The following SMG7 variants were observed in gnomAD, a reference collection of about 807,000 sequenced individuals.
The protein encoded by SMG7 is nonsense-mediated mRNA decay factor SMG7.
In SMG7, 34 loss-of-function variants were observed where a neutral mutation model predicts 148.2. The observed-to-expected ratio is 0.23, with a 90% CI of 0.17 to 0.31. The LOEUF (loss-of-function observed/expected upper bound fraction) is 0.31. Ranked by LOEUF, SMG7 falls within the 10% of genes least tolerant of loss-of-function variation. The probability of loss-of-function intolerance (pLI) is 1.00; values close to 1 mark genes in which losing one functional copy is unlikely to be tolerated. For synonymous variants in SMG7, 492 were observed against 515.1 expected, an observed-to-expected ratio of 0.96 and a Z score of 0.61; for missense variants, 1,114 against 1,408.4, an observed-to-expected ratio of 0.79 and a Z score of 3.35.
intron 14 of SMG7, among the ~76,000 whole-genome samples, chr1:183,542,954 TGTGTGTGTGTGTGTG>T (rs1669188851): frequency 6.6e-6 from 1 of 151,238 alleles, no homozygotes; most frequent in Non-Finnish European, 1.5e-5. Context: ...TGTGTGTGTG[TGTGTGTGTGTGTGTG>T]TATTTTTTTT....
chr1:183,493,323 A>G (rs1021087872), intron 1 of SMG7, among the ~76,000 whole-genome samples: 4 of 152,204 alleles, frequency 2.6e-5, no homozygotes, highest in Non-Finnish European at 4.4e-5. Context: ...TATTTGAGGA[A>G]TTAGAGAACT....
Position 183,544,396 on chromosome 1 carries a change from C to T in SMG7, c.1886C>T (p.Ala629Val). ...CTAAGAAAGACTCCAGTGTCTGAAG[C>T]CAGAAAAACACCTGTAACTCAAACC... ...TELRKTPVSE[A>V]RKTPVTQTPT... The change falls in exon 15 of 23, where the codon GCC (alanine) becomes GTC (valine). Residue 629 changes from alanine to valine, a missense_variant. This residue lies in a region of SMG7 where 788 missense variants were observed against 894.5 expected (regional missense o/e 0.88). Coordinates refer to ENST00000688051, the MANE Select transcript of SMG7 (RefSeq NM_001375584.1). 1.2e-6 allele frequency: 2 copies of T among 1,613,758 alleles called. No individual in the cohort carries two copies. Among genetic ancestry groups the T allele is most frequent in the Non-Finnish European group, 1.7e-6 (2 of 1,179,746 alleles).
chr1:183,484,879 T>C (rs1054199158), intron 1 of SMG7, among the ~76,000 whole-genome samples: 9 of 152,172 alleles, frequency 5.9e-5, no homozygotes, highest in African/African-American at 1.9e-4. Flanking sequence ...AGCTTCTGGG[T>C]TAGCTTCCAT....
At chr1:183,497,077 C>G (rs1014125481) in intron 1 of SMG7, among the ~76,000 whole-genome samples, 1 of 152,216 alleles carries the variant, frequency 6.6e-6, no homozygotes, top group African/African-American at 2.4e-5. Context: ...TGTACTCCCA[C>G]TTTCCTCTGA....
intron 3 of SMG7, among the ~76,000 whole-genome samples, chr1:183,516,761 C>T (rs1663644366): frequency 6.6e-6 from 1 of 152,192 alleles, no homozygotes; most frequent in Non-Finnish European, 1.5e-5. Flanking sequence ...TAAATTACGA[C>T]CATCAAAATC....
At chr1:183,538,278 ATTTC>A (rs1668157736) in intron 11 of SMG7, 98 bp from the exon 12 acceptor site, 14 of 763,108 alleles carry the variant, frequency 1.8e-5, no homozygotes, top group East Asian at 2.5e-5. Context: ...AAGCATTATA[ATTTC>A]TTTCTGTATG....
At chr1:183,491,661 GT>G (rs1657062707) in intron 1 of SMG7, among the ~76,000 whole-genome samples, 1 of 152,024 alleles carries the variant, frequency 6.6e-6, no homozygotes, top group African/African-American at 2.4e-5. Context: ...AGTTTATTAG[GT>G]TTTTTCTTTT....
In SMG7 at chr1:183,542,992, TGA is replaced by T. The variant is rs1669205773; in HGVS notation, c.1842+493_1842+494del. Among the ~76,000 whole-genome samples, 3 of 150,586 alleles carry T rather than the reference TGA, an allele frequency of 2.0e-5. No individual in the cohort carries two copies. The South Asian group carries it at 6.3e-4, about 31-fold the overall frequency. On this transcript the variant is annotated intron_variant, in intron 14 of 22. Coordinates refer to ENST00000688051, the MANE Select transcript of SMG7 (RefSeq NM_001375584.1). Reference sequence around the variant, plus strand: ...GTGTATTTTTTTTCTTGGAAAAATATGAGACTTTTTTATTGACAATTATACTT... The same window carrying T: ...GTGTATTTTTTTTCTTGGAAAAATATGACTTTTTTATTGACAATTATACTT...
intron 8 of SMG7, among the ~76,000 whole-genome samples, chr1:183,531,082 C>G (rs1666770316): frequency 6.6e-6 from 1 of 152,044 alleles, no homozygotes; most frequent in South Asian, 2.1e-4. Flanking sequence ...TAGTATGAGG[C>G]AGATCTATTT....
chr1:183,542,634 G>C (rs774386941), intron 14 of SMG7, 132 bp downstream of exon 14: 3 of 679,726 alleles, frequency 4.4e-6, no homozygotes, highest in Non-Finnish European at 7.4e-6. Context: ...GCATAGTAAG[G>C]TTATATAAAG....
chr1:183,495,621 A>G (rs1368931729), intron 1 of SMG7, among the ~76,000 whole-genome samples: 3 of 152,208 alleles, frequency 2.0e-5, no homozygotes. Flanking sequence ...CCCTAATCCC[A>G]GCACTTTGGG....
At chr1:183,476,118 T>C (rs1652114641) in intron 1 of SMG7, among the ~76,000 whole-genome samples, 2 of 152,222 alleles carry the variant, frequency 1.3e-5, no homozygotes, top group Non-Finnish European at 2.9e-5. Context: ...TCATTCCATT[T>C]AAAGTCTGCA....
chr1:183,490,775 CA>C (rs1396753441), intron 1 of SMG7, among the ~76,000 whole-genome samples: 1 of 152,116 alleles, frequency 6.6e-6, no homozygotes, highest in Non-Finnish European at 1.5e-5. Context: ...CAAATCCCCC[CA>C]AAGTGCTTTT....
At chr1:183,544,190 ATTTGC>A (rs1339568117) in intron 14 of SMG7, among the ~76,000 whole-genome samples, 158 bp from the exon 15 acceptor site, 4 of 152,178 alleles carry the variant, frequency 2.6e-5, no homozygotes, top group Non-Finnish European at 1.5e-5. Flanking sequence ...CTATTAAATA[ATTTGC>A]TTTGATTTTC....
intron 12 of SMG7, among the ~76,000 whole-genome samples, chr1:183,540,238 A>G (rs1668571941): frequency 6.6e-6 from 1 of 152,110 alleles, no homozygotes; most frequent in Admixed American, 6.5e-5. Context: ...ACTCTATGAA[A>G]CCTTTCAGAG....
chr1:183,543,162 A>G (rs945974106), intron 14 of SMG7, among the ~76,000 whole-genome samples: 10 of 152,126 alleles, frequency 6.6e-5, no homozygotes, highest in African/African-American at 2.4e-4. Flanking sequence ...TATTTTCCCA[A>G]ATAGAAAAGA....
chr1:183,509,931 A>G (rs1661759658), intron 1 of SMG7, among the ~76,000 whole-genome samples: 1 of 152,178 alleles, frequency 6.6e-6, no homozygotes, highest in South Asian at 2.1e-4. Flanking sequence ...TCATCACCTG[A>G]CAGCTTATAA....
At chr1:183,516,181 AGAG>A (rs1245180219) in intron 3 of SMG7, 190 bp downstream of exon 3, 1 of 517,670 alleles carries the variant, frequency 1.9e-6, no homozygotes, top group African/African-American at 1.9e-5. Context: ...GGAGGTAAGA[AGAG>A]AAATGTTTAG....
chr1:183,552,886 T>A lies in SMG7; in HGVS notation c.*955T>A. On this transcript the variant is annotated 3_prime_UTR_variant, in exon 23 of 23. Coordinates refer to ENST00000688051, the MANE Select transcript of SMG7 (RefSeq NM_001375584.1). The stretch of plus-strand genomic sequence containing the variant: ...TGTGCCCCCATTCTACTTCCCACCC[T>A]CCTGCCCCATCTCCATCCCTTCTTT... The A allele has an allele frequency of 6.8e-7, 1 of 1,462,072 alleles. No homozygotes were observed. Among genetic ancestry groups the A allele is most frequent in the Non-Finnish European group, 9.0e-7 (1 of 1,109,662 alleles). The allele number at this position is 1,462,072 out of a possible 1,614,324, so 90.6% of individuals were successfully genotyped here. A position where few individuals can be genotyped will look rare whatever the true frequency, so the allele number is the denominator to read the frequency against.
Sources: allele counts gnomAD v4.1 joint callset (sites outside exome capture counted in the v4.1 genomes callset), GRCh38; gene constraint gnomAD v4.1.1; regional missense constraint gnomAD v4.1.1; transcripts MANE v1.5; gene names NCBI Gene and HGNC (gene_info 2026-07-23, HGNC 2026-07-21).